Variants in ITSN1 observed in about 807,000 individuals in gnomAD.
ITSN1 encodes the protein intersectin 1.
Under a neutral mutation model 239.8 loss-of-function variants are expected in ITSN1, and 58 were observed. The observed-to-expected ratio is 0.24, with a 90% CI of 0.20 to 0.30. ITSN1 has a LOEUF of 0.30. Ranked by LOEUF, ITSN1 falls within the 10% of genes least tolerant of loss-of-function variation. The pLI is 1.00. For missense variants in ITSN1, 1,558 were observed against 2,103.3 expected (o/e 0.74, Z 5.07); for synonymous variants, 780 against 770.8 (o/e 1.01, Z -0.20).
chr21:33,816,054 A>G (rs1417149832), intron 22 of ITSN1, among the ~76,000 whole-genome samples: 1 of 152,064 alleles, frequency 6.6e-6, no homozygotes, highest in Non-Finnish European at 1.5e-5. Flanking sequence ...TCAGCCAGGC[A>G]TGACGGTGGG....
At chr21:33,748,183 T>C (rs2067301567) in intron 5 of ITSN1, among the ~76,000 whole-genome samples, 1 of 152,202 alleles carries the variant, frequency 6.6e-6, no homozygotes, top group Admixed American at 6.5e-5. Flanking sequence ...AAAATTACTT[T>C]TGGATGCATA....
Position 33,884,585 on chromosome 21 carries a change from C to T in ITSN1, c.4677-456C>T, listed in dbSNP as rs969272123. Among the ~76,000 whole-genome samples the T allele has an allele frequency of 1.9e-4, 29 of 152,290 alleles. 1 individual carries two copies. The highest frequency in any genetic ancestry group is 5.5e-4 in the African/African-American group (23 of 41,556). ...TCTCAGAAAAAATGAAGGAGAAAAC[C>T]GCGGCCACAAATGCCTTCCCCCAAG... On this transcript the variant is annotated intron_variant, in intron 36 of 39. Transcript: ENST00000381318.
chr21:33,680,482 C>T (rs970650844), intron 1 of ITSN1, among the ~76,000 whole-genome samples: 1 of 152,030 alleles, frequency 6.6e-6, no homozygotes, highest in African/African-American at 2.4e-5. Flanking sequence ...CAGGCATGCA[C>T]CACCACACCC....
intron 1 of ITSN1, 120 bp from the exon 2 acceptor site, chr21:33,718,677 T>G (rs2065309353): frequency 1.4e-6 from 1 of 694,028 alleles, no homozygotes; most frequent in Non-Finnish European, 2.6e-6. Flanking sequence ...TCCTTAATTG[T>G]AGAGCTATGC....
chr21:33,687,343 A>C lies in ITSN1; in HGVS notation c.-32-31454A>C, dbSNP rs566394227. On this transcript the variant is annotated intron_variant, in intron 1 of 39. Coordinates refer to ENST00000381318, the MANE Select transcript of ITSN1 (RefSeq NM_003024.3). ...AACCTGTGAGGCAGAGGTTGCAGTG[A>C]GCCAAGATCGTGCCATTGCACTTCA... Among the ~76,000 whole-genome samples the C allele has an allele frequency of 2.2e-5, 3 of 139,430 alleles. No homozygotes were observed. In the East Asian group the frequency reaches 7.1e-4, roughly 33 times the overall value. The allele number at this position is 139,430 out of a possible 152,430, so 91.5% of individuals were successfully genotyped here. A position where few individuals can be genotyped will look rare whatever the true frequency, so the allele number is the denominator to read the frequency against.
At chr21:33,814,099 G>T (rs1374552356) in intron 22 of ITSN1, 27 bp downstream of exon 22, 7 of 1,609,386 alleles carry the variant, frequency 4.3e-6, no homozygotes, top group African/African-American at 1.3e-5. Context: ...AGAGTGTGAA[G>T]ACTTAGCATG....
Position 33,748,055 on chromosome 21 carries a change from G to A in ITSN1, c.347-2088G>A, listed in dbSNP as rs80151814. Among the ~76,000 whole-genome samples the A allele has an allele frequency of 3.7e-3, 557 of 152,316 alleles. 2 individuals are homozygous for A. Among genetic ancestry groups the A allele is most frequent in the African/African-American group, 0.013 (527 of 41,560 alleles). ...TATTATAATGTATGTGACAGTAATA[G>A]CACAGAAGAGGAGAAAGGGAATTGA... is the stretch of plus-strand genomic sequence containing the variant. On this transcript the variant is annotated intron_variant, in intron 5 of 39. Transcript: ENST00000381318.
intron 29 of ITSN1, among the ~76,000 whole-genome samples, chr21:33,839,019 C>G (rs569731858): frequency 3.5e-4 from 53 of 152,330 alleles, no homozygotes; most frequent in Non-Finnish European, 7.1e-4. Flanking sequence ...ATGCTTGATT[C>G]CATCCTCATG....
At chr21:33,885,201 A>C in intron 37 of ITSN1, 78 bp downstream of exon 37, 2 of 1,258,720 alleles carry the variant, frequency 1.6e-6, no homozygotes, top group Admixed American at 1.8e-5. Context: ...AAATCCTCAG[A>C]ATAGAAGAAT....
At chr21:33,762,829 A>T (rs1332127198) in intron 9 of ITSN1, among the ~76,000 whole-genome samples, 1 of 151,138 alleles carries the variant, frequency 6.6e-6, no homozygotes, top group Non-Finnish European at 1.5e-5. Context: ...ACGCTTGGCT[A>T]ATTTTTGTTT....
rs1017019854 is a variant in ITSN1 at position 33,826,950 on chromosome 21, C to T, written c.3229+87C>T. ...CATCTTTGTGTATTAGGGCCAGAAG[C>T]CTAAAATAAAAAGAATCTTTCCTAA... On this transcript the variant is annotated intron_variant, in intron 26 of 39. Transcript: ENST00000381318. 1.1e-5 allele frequency: 12 copies of T among 1,073,810 alleles called. No homozygotes were observed. The South Asian group carries it at 1.6e-4, about 14-fold the overall frequency. The allele number at this position is 1,073,810 out of a possible 1,614,324, so 66.5% of individuals were successfully genotyped here. A position where few individuals can be genotyped will look rare whatever the true frequency, so the allele number is the denominator to read the frequency against.
intron 27 of ITSN1, among the ~76,000 whole-genome samples, chr21:33,830,920 C>T (rs1019606721): frequency 7.9e-5 from 12 of 151,616 alleles, no homozygotes; most frequent in Non-Finnish European, 1.8e-4. Flanking sequence ...GGAGGGAGAA[C>T]GCGCACAAAT....
At chr21:33,854,525 C>T (rs1329562180) in intron 29 of ITSN1, among the ~76,000 whole-genome samples, 2 of 152,220 alleles carry the variant, frequency 1.3e-5, no homozygotes, top group Non-Finnish European at 2.9e-5. Flanking sequence ...ATGTTTCCCC[C>T]CAAACTCGAG....
At chr21:33,837,274 A>G (rs2074652372) in intron 29 of ITSN1, 1 of 1,207,404 alleles carries the variant, frequency 8.3e-7, no homozygotes, top group Non-Finnish European at 1.0e-6. Flanking sequence ...TAGTTACTCA[A>G]ATTGACTTTC....
chr21:33,702,074 CA>C (rs1203956869), intron 1 of ITSN1, among the ~76,000 whole-genome samples: 3 of 131,504 alleles, frequency 2.3e-5, no homozygotes, highest in Admixed American at 7.7e-5. Flanking sequence ...TCTCAAAAAA[CA>C]AAAAAACAAA....
chr21:33,733,482 T>C (rs1389004417), intron 4 of ITSN1, among the ~76,000 whole-genome samples: 1 of 152,102 alleles, frequency 6.6e-6, no homozygotes, highest in Admixed American at 6.6e-5. Flanking sequence ...AAAAGAAATA[T>C]TTTATATACA....
rs1176024746 is a variant in ITSN1, at chr21:33,797,264, G to C, written c.1953-115G>C. 1.4e-5 allele frequency: 11 copies of C among 790,140 alleles called. No homozygotes were observed. In the East Asian group the frequency reaches 2.7e-4, roughly 19 times the overall value. 48.9% of individuals were successfully genotyped at this position (790,140 alleles called of 1,614,324 possible). On this transcript the variant is annotated intron_variant, in intron 17 of 39. Transcript: ENST00000381318. This position sits in a 1 kb window ranked among gnomAD's most constrained non-coding sequence, Gnocchi z 4.9. ...TCAGTTGCCCCATCTGAACAACAAT[G>C]TTCCCTTGATGTTCCCATCCCATTT...
At chr21:33,736,814 G>A (rs966772409) in intron 5 of ITSN1, among the ~76,000 whole-genome samples, 8 of 152,116 alleles carry the variant, frequency 5.3e-5, no homozygotes, top group East Asian at 3.9e-4. Context: ...ACAAGGCCTC[G>A]TTGCTACTGA....
intron 1 of ITSN1, among the ~76,000 whole-genome samples, chr21:33,693,267 G>T (rs998580993): frequency 1.3e-5 from 2 of 151,974 alleles, no homozygotes; most frequent in Admixed American, 6.6e-5. Context: ...CTTCTCTTGG[G>T]ACTAGTCTTG....
Sources: allele counts gnomAD v4.1 joint callset (sites outside exome capture counted in the v4.1 genomes callset), GRCh38; gene constraint gnomAD v4.1.1; non-coding constraint Gnocchi (gnomAD v3.1); transcripts MANE v1.5; gene names NCBI Gene and HGNC (gene_info 2026-07-23, HGNC 2026-07-21).